The following ZSCAN5A variants were observed in gnomAD, a reference collection of about 807,000 sequenced individuals.
ZSCAN5A encodes zinc finger and SCAN domain-containing protein 5A.
A neutral mutation model predicts 23.7 loss-of-function variants in ZSCAN5A; 12 were observed. The ratio of observed to expected loss-of-function variants is 0.51; its 90% CI spans 0.32 to 0.82. The LOEUF is 0.82. Ranked by LOEUF, ZSCAN5A falls within the 40% of genes least tolerant of loss-of-function variation. ZSCAN5A has a pLI of 0.03. For synonymous variants in ZSCAN5A, 257 were observed against 239.9 expected (o/e 1.07, Z -0.66); for missense variants, 597 against 617.9 (o/e 0.97, Z 0.36).
Position 56,328,242 on chromosome 19 carries a change from A to T in ZSCAN5A, c.-357-11974T>A, listed in dbSNP as rs573809371. 2.6e-5 allele frequency among the ~76,000 whole-genome samples: 4 copies of T among 152,312 alleles called. No homozygotes were observed. In the South Asian group the frequency reaches 8.3e-4, roughly 32 times the overall value. On this transcript the variant is annotated intron_variant, in intron 2 of 6. Coordinates refer to the ZSCAN5A transcript ENST00000587340. ...AAGTTGTTTTTTCAACATATTGAATACTTCCAAAGATACAATTATAAAGAA... is the reference window on the plus strand; with the variant it reads ...AAGTTGTTTTTTCAACATATTGAATTCTTCCAAAGATACAATTATAAAGAA...
At chr19:56,275,693 A>T (rs1490549927) in intron 2 of ZSCAN5A, among the ~76,000 whole-genome samples, 1 of 152,254 alleles carries the variant, frequency 6.6e-6, no homozygotes, top group Non-Finnish European at 1.5e-5. Flanking sequence ...TGTTTGGGAC[A>T]TCCATAGATA....
At chr19:56,319,991 T>C (rs1309686976) in intron 2 of ZSCAN5A, 14 of 1,020,152 alleles carry the variant, frequency 1.4e-5, no homozygotes, top group East Asian at 2.4e-5. Context: ...CATTTGGACA[T>C]TGATACTCTC....
intron 2 of ZSCAN5A, chr19:56,245,344 G>C (rs776538471): frequency 1.5e-5 from 11 of 752,106 alleles, no homozygotes; most frequent in South Asian, 1.4e-4. Context: ...CCTCCTCTGT[G>C]AATGAGATGC....
chr19:56,341,979 T>C (rs933856632), intron 2 of ZSCAN5A, among the ~76,000 whole-genome samples: 23 of 152,144 alleles, frequency 1.5e-4, no homozygotes, highest in African/African-American at 5.5e-4. Context: ...TAAAATATCT[T>C]ATAATTTATT....
chr19:56,225,481 T>C (rs1395386756), intron 2 of ZSCAN5A: 1 of 157,102 alleles, frequency 6.4e-6, no homozygotes, highest in Non-Finnish European at 1.4e-5. Flanking sequence ...AACAATAAAG[T>C]AAGCCCTTTA....
intron 2 of ZSCAN5A, among the ~76,000 whole-genome samples, chr19:56,275,960 G>C (rs989808231): frequency 6.6e-6 from 1 of 152,144 alleles, no homozygotes; most frequent in Non-Finnish European, 1.5e-5. Flanking sequence ...GCAGTGAGTG[G>C]GTCAGCTGAT....
intron 2 of ZSCAN5A, chr19:56,244,151 G>C (rs1461257039): frequency 3.7e-6 from 6 of 1,605,424 alleles, no homozygotes; most frequent in Non-Finnish European, 5.1e-6. Context: ...TGGAAATCAT[G>C]ACTGGGACCC....
At position 56,224,254 on chromosome 19, in the gene ZSCAN5A, C is replaced by T. The variant is rs113038291; in HGVS notation, c.384+409G>A. On this transcript the variant is annotated intron_variant, in intron 3 of 5. Transcript: ENST00000683990. ...TTCAGGATGGGACTCCTGGGCCCCC[C>T]TTCAGTTCACTCTAATGCCTCCTTC... The T allele has an allele frequency of 3.2e-4, 80 of 253,596 alleles. 1 individual carries two copies. The highest frequency in any genetic ancestry group is 1.6e-3 in the African/African-American group (73 of 44,498). The allele number at this position is 253,596 out of a possible 1,614,324, so 15.7% of individuals were successfully genotyped here.
At chr19:56,223,545 A>C (rs572535157) in intron 4 of ZSCAN5A, 86 bp downstream of exon 4, 1 of 1,397,028 alleles carries the variant, frequency 7.2e-7, no homozygotes, top group Non-Finnish European at 9.8e-7. Flanking sequence ...TCCTGTGTCA[A>C]ATCTCTCAAT....
At chr19:56,301,661 G>C (rs1474661735) in intron 2 of ZSCAN5A, among the ~76,000 whole-genome samples, 2 of 152,090 alleles carry the variant, frequency 1.3e-5, no homozygotes, top group Non-Finnish European at 2.9e-5. Flanking sequence ...TATTCAAGAC[G>C]GAGTCACTCT....
rs59111246 is a variant in ZSCAN5A, at chr19:56,246,877, T to A, written c.-127-21704A>T. On this transcript the variant is annotated intron_variant, in intron 2 of 5. Coordinates refer to ENST00000683990, the MANE Select transcript of ZSCAN5A (RefSeq NM_001322064.3). The stretch of plus-strand genomic sequence containing the variant: ...CAGAGGAGACGCTCTGAATCTGAGA[T>A]GTCCCAAAAGAAGCAAACCAGACGC... 3,168 of 1,610,270 alleles carry A rather than the reference T, an allele frequency of 2.0e-3. 33 individuals are homozygous for A. The highest frequency in any genetic ancestry group is 0.016 in the South Asian group (1,497 of 91,018).
rs377759902 is a variant in ZSCAN5A at position 56,221,555 on chromosome 19, G to T, written c.*20C>A. On this transcript the variant is annotated 3_prime_UTR_variant, in exon 6 of 6. Coordinates refer to ENST00000683990, the MANE Select transcript of ZSCAN5A (RefSeq NM_001322064.3). Reference sequence around the variant, plus strand: ...CATTCACTTCTTCTTGGTGCAGAAGGCATAGACCGGATTATGCAATCACTG... The same window carrying T: ...CATTCACTTCTTCTTGGTGCAGAAGTCATAGACCGGATTATGCAATCACTG... The T allele has an allele frequency of 1.8e-5, 28 of 1,565,964 alleles. No individual in the cohort carries two copies. The highest frequency in any genetic ancestry group is 1.4e-4 in the African/African-American group (10 of 72,884).
intron 2 of ZSCAN5A, among the ~76,000 whole-genome samples, chr19:56,303,761 G>A (rs1479045614): frequency 3.9e-5 from 6 of 152,136 alleles, no homozygotes; most frequent in African/African-American, 1.4e-4. Context: ...AACTAAATCA[G>A]GGTGATATCA....
rs908901852 is a variant in ZSCAN5A, at chr19:56,352,642, G to A, written c.-358+10593C>T. 1.3e-5 allele frequency among the ~76,000 whole-genome samples: 2 copies of A among 152,196 alleles called. No individual in the cohort carries two copies. The highest frequency in any genetic ancestry group is 2.9e-5 in the Non-Finnish European group (2 of 68,044). On this transcript the variant is annotated intron_variant, in intron 2 of 6. Transcript: ENST00000587340. The surrounding 1 kb of genome is among the most constrained non-coding windows in gnomAD (Gnocchi z 4.2). ...AATTATCAAAGTAAGGCGGTCAGTG[G>A]GTGGGAAATTACAAAGAACAACTTG... is the stretch of plus-strand genomic sequence containing the variant.
intron 2 of ZSCAN5A, among the ~76,000 whole-genome samples, chr19:56,344,208 C>T (rs1263046999): frequency 6.6e-6 from 1 of 152,204 alleles, no homozygotes; most frequent in African/African-American, 2.4e-5. Flanking sequence ...AGCTTTGAAA[C>T]GAAGATGATA....
chr19:56,256,547 G>T (rs2036705940), intron 2 of ZSCAN5A, among the ~76,000 whole-genome samples: 1 of 152,118 alleles, frequency 6.6e-6, no homozygotes, highest in African/African-American at 2.4e-5. Context: ...GTGTGTGCGT[G>T]TATACATATA....
chr19:56,223,660 G>A lies in ZSCAN5A; in HGVS notation c.559C>T (p.Pro187Ser). 4 of 1,613,696 alleles carry A rather than the reference G, an allele frequency of 2.5e-6. No homozygotes were observed. The highest frequency in any genetic ancestry group is 3.4e-6 in the Non-Finnish European group (4 of 1,179,958). ...CTCCTGGACAATGCAGGGACCCTGG[G>A]CAGGATCTGCAGCTCTCGGTGGGCC... ...GQAHRELQIL[P>S]RVPALSRRQG... The change falls in exon 4 of 6, where the codon CCC becomes TCC. Residue 187 changes from proline to serine, a missense_variant. Pro to Ser is a moderately conservative substitution (Grantham distance 74). Coordinates refer to ENST00000683990, the MANE Select transcript of ZSCAN5A (RefSeq NM_001322064.3).
chr19:56,263,867 T>G (rs1166023978), intron 2 of ZSCAN5A, among the ~76,000 whole-genome samples: 1 of 152,192 alleles, frequency 6.6e-6, no homozygotes, highest in Non-Finnish European at 1.5e-5. Flanking sequence ...CATATAAATA[T>G]TATATGCTAT....
At chr19:56,254,262 A>G (rs1053569946) in intron 2 of ZSCAN5A, among the ~76,000 whole-genome samples, 18 of 152,062 alleles carry the variant, frequency 1.2e-4, no homozygotes, top group Admixed American at 1.2e-3. Flanking sequence ...GTTGCTATAT[A>G]TAATTACATT....
Sources: gnomAD v4.1 joint callset for allele counts (sites outside exome capture counted in the v4.1 genomes callset) on GRCh38, gnomAD v4.1.1 for gene constraint, Gnocchi (gnomAD v3.1) non-coding constraint, MANE v1.5 for transcripts, NCBI Gene and HGNC (gene_info 2026-07-23, HGNC 2026-07-21) for gene names.